Variants in FAM193A observed in about 807,000 individuals in gnomAD.
The protein encoded by FAM193A is family with sequence similarity 193 member A, also known as protein FAM193A.
In FAM193A, 22 loss-of-function variants were observed where a neutral mutation model predicts 126.5. The ratio of observed to expected loss-of-function variants is 0.17; its 90% confidence interval spans 0.12 to 0.25. FAM193A has a LOEUF of 0.25. Ranked by LOEUF, FAM193A falls within the 10% of genes least tolerant of loss-of-function variation. The pLI is 1.00. For missense variants in FAM193A, 1,675 were observed against 1,672.8 expected, an observed-to-expected ratio of 1.00 and a Z score of -0.02; for synonymous variants, 761 against 646.8, an observed-to-expected ratio of 1.18 and a Z score of -2.68.
At chr4:2,641,043 T>A (rs1293782222) in intron 6 of FAM193A, among the ~76,000 whole-genome samples, 1 of 151,864 alleles carries the variant, frequency 6.6e-6, no homozygotes, top group Non-Finnish European at 1.5e-5. Context: ...ATTGCTATTT[T>A]ATTTATTTTA....
At chr4:2,539,637 C>T (rs1418555602) in intron 1 of FAM193A, among the ~76,000 whole-genome samples, 2 of 151,984 alleles carry the variant, frequency 1.3e-5, no homozygotes, top group East Asian at 3.9e-4. Context: ...GAACTCTTGA[C>T]CTCAAGTGAT....
intron 2 of FAM193A, among the ~76,000 whole-genome samples, chr4:2,611,981 C>T (rs1257213101): frequency 1.3e-5 from 2 of 151,636 alleles, no homozygotes; most frequent in African/African-American, 4.8e-5. Flanking sequence ...GGACTACAGG[C>T]GCCCACCACC....
intron 5 of FAM193A, among the ~76,000 whole-genome samples, chr4:2,631,805 G>C (rs974392517): frequency 3.3e-5 from 5 of 152,126 alleles, no homozygotes; most frequent in African/African-American, 1.2e-4. Context: ...GAAGGAGCAT[G>C]GTATAGAAAT....
intron 1 of FAM193A, among the ~76,000 whole-genome samples, chr4:2,548,545 C>T (rs1737709779): frequency 6.6e-6 from 1 of 152,066 alleles, no homozygotes; most frequent in African/African-American, 2.4e-5. Flanking sequence ...CAGCCTCCGC[C>T]TCCCAGATTC....
intron 16 of FAM193A, 64 bp from the exon 17 acceptor site, chr4:2,694,882 A>G (rs1716854075): frequency 1.4e-6 from 2 of 1,419,970 alleles, no homozygotes; most frequent in South Asian, 2.6e-5. Flanking sequence ...GGTCATGTGC[A>G]ACAATGTGAG....
chr4:2,705,114 G>C (rs1363296733), intron 19 of FAM193A, among the ~76,000 whole-genome samples: 2 of 152,162 alleles, frequency 1.3e-5, no homozygotes, highest in Non-Finnish European at 2.9e-5. Context: ...GTTTCACCGT[G>C]TTAGCCGGGA....
chr4:2,728,394 A>G (rs968885016), intron 20 of FAM193A, among the ~76,000 whole-genome samples: 2 of 151,566 alleles, frequency 1.3e-5, no homozygotes, highest in South Asian at 4.2e-4. Flanking sequence ...ACCTTCCCTC[A>G]TTTTTGGCAC....
rs188354533 is a variant in FAM193A at position 2,557,119 on chromosome 4, A to C, written c.255+19949A>C. On this transcript the variant is annotated intron_variant, in intron 1 of 20. Transcript: ENST00000637812. ...TACCATAGGTAAAGCTTAATTTGTA[A>C]ATTAGGCACAGTGAGAGATTAACAA... Among the ~76,000 whole-genome samples the C allele has an allele frequency of 3.1e-3, 474 of 152,256 alleles. 3 individuals are homozygous for C. The highest frequency in any genetic ancestry group is 3.8e-3 in the Non-Finnish European group (257 of 68,014).
chr4:2,600,750 C>T (rs1741150236), intron 2 of FAM193A, among the ~76,000 whole-genome samples: 1 of 152,168 alleles, frequency 6.6e-6, no homozygotes, highest in African/African-American at 2.4e-5. Flanking sequence ...TTCTTCAAGA[C>T]TTTGTCGCTT....
At chr4:2,661,768 G>A (rs959461325) in intron 10 of FAM193A, among the ~76,000 whole-genome samples, 1 of 152,200 alleles carries the variant, frequency 6.6e-6, no homozygotes, top group Non-Finnish European at 1.5e-5. Context: ...GATGGACTCA[G>A]TGCATGTTTT....
At chr4:2,633,502 A>T (rs1743803235) in intron 5 of FAM193A, among the ~76,000 whole-genome samples, 1 of 152,092 alleles carries the variant, frequency 6.6e-6, no homozygotes, top group South Asian at 2.1e-4. Flanking sequence ...CACTTCCTTT[A>T]CACATAGAAA....
chr4:2,547,421 A>G (rs1737630207), intron 1 of FAM193A, among the ~76,000 whole-genome samples: 1 of 151,924 alleles, frequency 6.6e-6, no homozygotes, highest in Non-Finnish European at 1.5e-5. Flanking sequence ...AATAATAATA[A>G]TAATTCTTTT....
intron 7 of FAM193A, among the ~76,000 whole-genome samples, chr4:2,649,060 T>A (rs1168917927): frequency 6.6e-6 from 1 of 152,148 alleles, no homozygotes; most frequent in Admixed American, 6.5e-5. Context: ...TCCAAATAAG[T>A]TTTTTCTGTG....
At chr4:2,724,540 A>G (rs1720515690) in intron 20 of FAM193A, among the ~76,000 whole-genome samples, 1 of 152,172 alleles carries the variant, frequency 6.6e-6, no homozygotes, top group Non-Finnish European at 1.5e-5. Context: ...GAAATAAGCA[A>G]TTATTAATAT....
At chr4:2,554,708 T>C (rs888718009) in intron 1 of FAM193A, among the ~76,000 whole-genome samples, 1 of 152,204 alleles carries the variant, frequency 6.6e-6, no homozygotes, top group Non-Finnish European at 1.5e-5. Flanking sequence ...ATTTGTTCAC[T>C]TTTCCTTACA....
At chr4:2,703,644 T>C (rs115235580) in intron 19 of FAM193A, among the ~76,000 whole-genome samples, 1,600 of 151,758 alleles carry the variant, frequency 0.011, 27 homozygotes, top group African/African-American at 0.036. Context: ...TGGAGCACTT[T>C]CCCAGAAGGG....
rs1283202181 is a variant in FAM193A at position 2,732,298 on chromosome 4, A to AG, written c.*432dup. On this transcript the variant is annotated 3_prime_UTR_variant, in exon 21 of 21. Transcript: ENST00000637812. ...TCACCCTAGGCGGGCTGGGCGGGGCAGGCCTCCTTTGTTCTCCACAATCTA... is the reference window on the plus strand; with the variant it reads ...TCACCCTAGGCGGGCTGGGCGGGGCAGGGCCTCCTTTGTTCTCCACAATCTA... The AG allele has an allele frequency of 4.9e-6, 1 of 205,928 alleles. No homozygotes were observed. Among genetic ancestry groups the AG allele is most frequent in the African/African-American group, 2.3e-5 (1 of 43,188 alleles). The allele number at this position is 205,928 out of a possible 1,614,324, so 12.8% of individuals were successfully genotyped here. A position where few individuals can be genotyped will look rare whatever the true frequency, so the allele number is the denominator to read the frequency against.
intron 2 of FAM193A, among the ~76,000 whole-genome samples, chr4:2,613,771 T>C (rs1742025127): frequency 2.5e-5 from 2 of 80,756 alleles, no homozygotes; most frequent in African/African-American, 1.4e-4. Flanking sequence ...TTTTTTTCTT[T>C]TTCTTTTTTT....
chr4:2,558,223 C>T (rs1012462589), intron 1 of FAM193A, among the ~76,000 whole-genome samples: 2 of 149,624 alleles, frequency 1.3e-5, no homozygotes, highest in Non-Finnish European at 3.0e-5. Context: ...GAGCCTAGAT[C>T]GTGCTACTGT....
Sources: allele counts gnomAD v4.1 joint callset (sites outside exome capture counted in the v4.1 genomes callset), GRCh38; gene constraint gnomAD v4.1.1; transcripts MANE v1.5; gene names NCBI Gene and HGNC (gene_info 2026-07-23, HGNC 2026-07-21).